The following FAM227B variants were observed in gnomAD, a reference collection of about 807,000 sequenced individuals.
FAM227B encodes the protein protein FAM227B.
In FAM227B, 88 loss-of-function variants were observed where a neutral mutation model predicts 73.8. The ratio of observed to expected loss-of-function variants is 1.19; its 90% CI spans 1.00 to 1.42. FAM227B has a LOEUF of 1.42. Among genes scored for constraint, FAM227B ranks in the 40% most tolerant of loss-of-function variants. The pLI is 0.00. For synonymous variants in FAM227B, 210 were observed against 190.5 expected (o/e 1.10, Z -0.84); for missense variants, 632 against 590.9 (o/e 1.07, Z -0.72).
chr15:49,467,372 A>G (rs1224935564), intron 11 of FAM227B, among the ~76,000 whole-genome samples: 3 of 152,060 alleles, frequency 2.0e-5, no homozygotes, highest in Non-Finnish European at 4.4e-5. Flanking sequence ...CTCTCAGAGA[A>G]GGTATAGTCA....
chr15:49,428,914 A>T (rs2050356762), intron 11 of FAM227B, among the ~76,000 whole-genome samples: 1 of 152,030 alleles, frequency 6.6e-6, no homozygotes, highest in South Asian at 2.1e-4. Context: ...ACAATTGGCA[A>T]AAGGCAAATA....
chr15:49,607,842 T>A (rs989236026), intron 3 of FAM227B, among the ~76,000 whole-genome samples: 4 of 152,190 alleles, frequency 2.6e-5, no homozygotes, highest in Admixed American at 1.3e-4. Flanking sequence ...TTGGAGTAGA[T>A]CATATCTTGT....
chr15:49,362,409 C>G (rs181370287), intron 13 of FAM227B, among the ~76,000 whole-genome samples: 1 of 152,302 alleles, frequency 6.6e-6, no homozygotes, highest in African/African-American at 2.4e-5. Context: ...TCCTGTTAAA[C>G]CTGCAGAACT....
intron 9 of FAM227B, among the ~76,000 whole-genome samples, chr15:49,560,720 T>G (rs1354079239): frequency 6.6e-6 from 1 of 152,182 alleles, no homozygotes; most frequent in Admixed American, 6.5e-5. Context: ...TGGAGGTCTA[T>G]TTTCAGCACT....
rs1032278798 is a variant in FAM227B at position 49,442,220 on chromosome 15, C to G, written c.1012+65991G>C. 1.5e-4 allele frequency among the ~76,000 whole-genome samples: 22 copies of G among 151,720 alleles called. 1 individual carries two copies. The highest frequency in any genetic ancestry group is 3.4e-3 in the Middle Eastern group (1 of 294). ...AAAGATTCTATTCTAGCCAGCCAATCTATTCACTATTTTTCCTAGACTATA... is the reference window on the plus strand; with the variant it reads ...AAAGATTCTATTCTAGCCAGCCAATGTATTCACTATTTTTCCTAGACTATA... On this transcript the variant is annotated intron_variant, in intron 11 of 15. Transcript: ENST00000299338.
At chr15:49,615,991 T>A (rs902430330) in intron 1 of FAM227B, among the ~76,000 whole-genome samples, 1 of 152,232 alleles carries the variant, frequency 6.6e-6, no homozygotes, top group African/African-American at 2.4e-5. Flanking sequence ...TCTGAAAGAA[T>A]TTAAAATCTG....
intron 10 of FAM227B, among the ~76,000 whole-genome samples, chr15:49,530,195 T>A (rs1329376299): frequency 1.3e-5 from 2 of 151,792 alleles, no homozygotes; most frequent in Non-Finnish European, 3.0e-5. Flanking sequence ...ATGTAACAGA[T>A]GAAGATGAGG....
chr15:49,478,104 G>T (rs1284205139), intron 11 of FAM227B, among the ~76,000 whole-genome samples: 1 of 152,008 alleles, frequency 6.6e-6, no homozygotes, highest in African/African-American at 2.4e-5. Flanking sequence ...AGTGTCAGTT[G>T]TTGCCATCTT....
At chr15:49,596,000 G>C (rs925305156) in intron 3 of FAM227B, among the ~76,000 whole-genome samples, 1 of 151,900 alleles carries the variant, frequency 6.6e-6, no homozygotes, top group African/African-American at 2.4e-5. Flanking sequence ...AAAATAACTG[G>C]TATTCCTGAG....
Position 49,484,599 on chromosome 15 carries a change from T to C in FAM227B, c.1012+23612A>G, listed in dbSNP as rs530140911. ...CAAAATTTTCTTTCCTTTTATTTTT[T>C]AGTAATCAAGAAAGGCTGGAAAACT... is the stretch of plus-strand genomic sequence containing the variant. On this transcript the variant is annotated intron_variant, in intron 11 of 15. Coordinates refer to ENST00000299338, the MANE Select transcript of FAM227B (RefSeq NM_152647.3). 89 of 568,498 alleles carry C rather than the reference T, an allele frequency of 1.6e-4. 1 individual carries two copies. The African/African-American group carries it at 1.7e-3, about 11-fold the overall frequency. 35.2% of individuals were successfully genotyped at this position (568,498 alleles called of 1,614,324 possible).
chr15:49,501,836 T>C (rs1211650561), intron 11 of FAM227B, among the ~76,000 whole-genome samples: 2 of 152,194 alleles, frequency 1.3e-5, no homozygotes, highest in African/African-American at 2.4e-5. Context: ...GAAGACTAAA[T>C]GGTTTTATGG....
intron 11 of FAM227B, among the ~76,000 whole-genome samples, chr15:49,432,342 TA>T (rs2050690823): frequency 6.6e-6 from 1 of 151,684 alleles, no homozygotes; most frequent in African/African-American, 2.4e-5. Flanking sequence ...ACAGCTTCTC[TA>T]ACTAACCTGC....
chr15:49,490,778 G>A (rs967601242), intron 11 of FAM227B, among the ~76,000 whole-genome samples: 1 of 151,870 alleles, frequency 6.6e-6, no homozygotes, highest in Admixed American at 6.6e-5. Context: ...CCACTTGACT[G>A]AAATTTTTCC....
chr15:49,529,530 A>T (rs757353891), intron 10 of FAM227B, among the ~76,000 whole-genome samples: 2 of 151,738 alleles, frequency 1.3e-5, no homozygotes, highest in African/African-American at 2.4e-5. Flanking sequence ...TGATTTTTTT[A>T]AATTAAACTT....
At chr15:49,383,908 C>T (rs2046706234) in intron 11 of FAM227B, among the ~76,000 whole-genome samples, 1 of 152,026 alleles carries the variant, frequency 6.6e-6, no homozygotes, top group African/African-American at 2.4e-5. Context: ...TTGTCATTCT[C>T]CCCCCAAATA....
intron 11 of FAM227B, among the ~76,000 whole-genome samples, chr15:49,499,712 C>T (rs963749555): frequency 1.3e-5 from 2 of 152,158 alleles, no homozygotes; most frequent in Non-Finnish European, 2.9e-5. Flanking sequence ...ATACAGAGAA[C>T]AGACATAAAC....
intron 11 of FAM227B, among the ~76,000 whole-genome samples, chr15:49,500,349 G>A (rs1448494484): frequency 3.3e-5 from 5 of 152,376 alleles, no homozygotes; most frequent in East Asian, 1.9e-4. Context: ...GAGAGCAGCT[G>A]TGGGGGCAGA....
At chr15:49,500,378 G>A (rs1041949981) in intron 11 of FAM227B, among the ~76,000 whole-genome samples, 4 of 152,248 alleles carry the variant, frequency 2.6e-5, no homozygotes, top group African/African-American at 9.6e-5. Flanking sequence ...AAGCCACAGG[G>A]GTGAAGCTGC....
intron 11 of FAM227B, among the ~76,000 whole-genome samples, chr15:49,406,714 G>A (rs2048537874): frequency 6.6e-6 from 1 of 151,942 alleles, no homozygotes; most frequent in Non-Finnish European, 1.5e-5. Context: ...ACACAGAGAC[G>A]TGCACACACA....
Sources: allele counts gnomAD v4.1 joint callset (sites outside exome capture counted in the v4.1 genomes callset), GRCh38; gene constraint gnomAD v4.1.1; transcripts MANE v1.5; gene names NCBI Gene and HGNC (gene_info 2026-07-23, HGNC 2026-07-21).